The following EPN1 variants were observed in gnomAD, a reference collection of about 807,000 sequenced individuals.
EPN1 encodes epsin-1.
Under a neutral mutation model 56.9 loss-of-function variants are expected in EPN1, and 25 were observed. The observed-to-expected ratio is 0.44, with a 90% confidence interval of 0.32 to 0.61. The LOEUF (loss-of-function observed/expected upper bound fraction) is 0.61, where lower values mean the gene tolerates loss of function less well. Among genes scored for constraint, EPN1 ranks in the 20% least tolerant of loss-of-function variants. The pLI is 0.05. For synonymous variants in EPN1, 411 were observed against 361.8 expected (o/e 1.14, Z -1.54); for missense variants, 785 against 823.7 (o/e 0.95, Z 0.58).
At chr19:55,684,711 C>T (rs931239985) in intron 2 of EPN1, among the ~76,000 whole-genome samples, 1 of 152,204 alleles carries the variant, frequency 6.6e-6, no homozygotes, top group Non-Finnish European at 1.5e-5. Context: ...TGAGGTTTTA[C>T]AGTCAGAAAT....
chr19:55,682,485 C>T (rs994145291), intron 2 of EPN1, among the ~76,000 whole-genome samples: 3 of 152,180 alleles, frequency 2.0e-5, no homozygotes, highest in African/African-American at 7.2e-5. Flanking sequence ...TTGACATGTT[C>T]TCGGCTCACT....
rs754267277 is a variant in EPN1, at chr19:55,694,857, C to T, written c.1396C>T (p.Pro466Ser). The T allele has an allele frequency of 1.2e-6, 2 of 1,608,346 alleles. No individual in the cohort carries two copies. The highest frequency in any genetic ancestry group is 1.7e-5 in the Admixed American group (1 of 59,372). ...PPAATPTPTP[P>S]TRKTPESFLG... ...TGCAGCCACACCAACTCCCACGCCC[C>T]CCACCCGGAAGACGCCGGAGTCATT... The change falls in exon 10 of 11, where the codon CCC (proline) becomes TCC (serine). Residue 466 changes from proline to serine, a missense_variant. Physicochemically the swap from Pro to Ser is moderately conservative, Grantham distance 74 (BLOSUM62 -1). Transcript: ENST00000270460. This position sits in a 1 kb window ranked among gnomAD's most constrained non-coding sequence, Gnocchi z 4.2.
chr19:55,693,786 C>T lies in EPN1; in HGVS notation c.1264+749C>T, dbSNP rs539469159. ...GCTTGCAGGGAGTGAGCTGCACCCA[C>T]GCTTCCCTCCTCTCATTATCTAGGT... is the stretch of plus-strand genomic sequence containing the variant. On this transcript the variant is annotated intron_variant, in intron 9 of 10. Transcript: ENST00000270460. 2.6e-5 allele frequency among the ~76,000 whole-genome samples: 4 copies of T among 152,314 alleles called. No homozygotes were observed. In the South Asian group the frequency reaches 6.2e-4, roughly 24 times the overall value.
chr19:55,676,933 T>C, intron 1 of EPN1: 1 of 494,168 alleles, frequency 2.0e-6, no homozygotes, highest in East Asian at 3.4e-5. Flanking sequence ...TTCTATTTCT[T>C]CTCAGTCCCC....
At chr19:55,685,262 T>A (rs1255328383) in intron 2 of EPN1, 134 bp from the exon 3 acceptor site, 1 of 1,090,642 alleles carries the variant, frequency 9.2e-7, no homozygotes, top group African/African-American at 1.6e-5. Flanking sequence ...GGGACAGATG[T>A]GTGTCCACCC....
intron 3 of EPN1, 139 bp downstream of exon 3, chr19:55,685,784 C>A: frequency 8.7e-7 from 1 of 1,150,700 alleles, no homozygotes; most frequent in Non-Finnish European, 1.2e-6. Context: ...TCACCTGGGC[C>A]CCTTGCTCTG....
chr19:55,682,398 A>C (rs1188904856), intron 2 of EPN1, among the ~76,000 whole-genome samples: 2 of 152,052 alleles, frequency 1.3e-5, no homozygotes, highest in Non-Finnish European at 2.9e-5. Context: ...CAGGTCAGCA[A>C]GGTTGACCGT....
chr19:55,681,152 G>GCACA (rs1249953509), intron 2 of EPN1, among the ~76,000 whole-genome samples: 1 of 152,224 alleles, frequency 6.6e-6, no homozygotes, highest in African/African-American at 2.4e-5. Flanking sequence ...GGTGAGCTGT[G>GCACA]GGGGCCTTGC....
In EPN1 at chr19:55,695,256, C is replaced by T. The variant is rs759106894; in HGVS notation, c.1631C>T (p.Ala544Val). Residue 544 changes from alanine to valine, a missense_variant, in exon 11 of 11, where the codon GCG (alanine) becomes GTG (valine). Transcript: ENST00000270460. The surrounding 1 kb of genome is among the most constrained non-coding windows in gnomAD (Gnocchi z 4.4). ...RLSPVPPVPGAPPTYISPLGG... is the reference protein window; with the variant it reads ...RLSPVPPVPGVPPTYISPLGG... ...AGTCCTGTGCCTCCCGTCCCTGGAG[C>T]GCCACCCACGTACATCTCTCCCCTT... 13 of 1,610,252 alleles carry T rather than the reference C, an allele frequency of 8.1e-6. No homozygotes were observed. In the Admixed American group the frequency reaches 1.0e-4, roughly 12 times the overall value.
rs6509955 is a variant in EPN1, at chr19:55,703,818, G to A, written c.*8462G>A. The A allele has an allele frequency of 0.4, 61,007 of 152,146 alleles. 13,834 individuals carry two copies. The highest frequency in any genetic ancestry group is 0.62 in the African/African-American group (25,649 of 41,484). The allele number at this position is 152,146 out of a possible 1,614,324, so 9.4% of individuals were successfully genotyped here. A position where few individuals can be genotyped will look rare whatever the true frequency, so the allele number is the denominator to read the frequency against. On this transcript the variant is annotated 3_prime_UTR_variant, in exon 11 of 11. Coordinates refer to ENST00000270460, the MANE Select transcript of EPN1 (RefSeq NM_001130072.2). Reference sequence around the variant, plus strand: ...GATGGATTTAAGTTTAAGCACCTGCGTGTGAGCGGCTACCGCGTGGGCTGG... The same window carrying A: ...GATGGATTTAAGTTTAAGCACCTGCATGTGAGCGGCTACCGCGTGGGCTGG...
rs2077815664 is a variant in EPN1, at chr19:55,703,082, C to G, written c.*7726C>G. 2 of 151,348 alleles carry G rather than the reference C, an allele frequency of 1.3e-5. No homozygotes were observed. Among genetic ancestry groups the G allele is most frequent in the South Asian group, 4.2e-4 (2 of 4,716 alleles). The allele number at this position is 151,348 out of a possible 1,614,324, so 9.4% of individuals were successfully genotyped here. ...AAAGTGCTGGGATTACAGCCGTGAG[C>G]CACCGCACCTGGCCTCTTTCAGTTT... On this transcript the variant is annotated 3_prime_UTR_variant, in exon 11 of 11. Transcript: ENST00000270460.
At chr19:55,678,080 G>A (rs1249454877) in intron 1 of EPN1, among the ~76,000 whole-genome samples, 3 of 151,114 alleles carry the variant, frequency 2.0e-5, no homozygotes, top group African/African-American at 7.3e-5. Context: ...CACCTGGGAA[G>A]TGTAAGCAGA....
chr19:55,691,404 T>C lies in EPN1; in HGVS notation c.763-350T>C, dbSNP rs1986537063. ...GCTTCGGGTCGAGCGAGGGGAGGGC[T>C]TGGCCTCCATCCTCAGTCAGGGCCG... On this transcript the variant is annotated intron_variant, in intron 6 of 10. Coordinates refer to ENST00000270460, the MANE Select transcript of EPN1 (RefSeq NM_001130072.2). This position sits in a 1 kb window ranked among gnomAD's most constrained non-coding sequence, Gnocchi z 5.6. 6.6e-6 allele frequency among the ~76,000 whole-genome samples: 1 copy of C among 151,844 alleles called. No homozygotes were observed. Among genetic ancestry groups the C allele is most frequent in the Non-Finnish European group, 1.5e-5 (1 of 67,930 alleles).
rs540325905 is a variant in EPN1, at chr19:55,697,834, C to G, written c.*2478C>G. 2 of 152,140 alleles carry G rather than the reference C, an allele frequency of 1.3e-5. No individual in the cohort carries two copies. The highest frequency in any genetic ancestry group is 4.2e-4 in the South Asian group (2 of 4,812). 9.4% of individuals were successfully genotyped at this position (152,140 alleles called of 1,614,324 possible). On this transcript the variant is annotated 3_prime_UTR_variant, in exon 11 of 11. Transcript: ENST00000270460. ...AGAATGCTGGGAGCCTGCTGTTGTC[C>G]CCGATTGAGGGCTCCCCCCACTGTG...
chr19:55,679,807 T>C lies in EPN1; in HGVS notation c.228+952T>C, dbSNP rs115189778. Among the ~76,000 whole-genome samples, 864 of 152,296 alleles carry C rather than the reference T, an allele frequency of 5.7e-3. 8 individuals are homozygous for C. The highest frequency in any genetic ancestry group is 0.02 in the African/African-American group (837 of 41,542). Reference sequence around the variant, plus strand: ...GACACACCAGGATTGGGTTGAGTCATAGATTGAATCAGTTATTGGTCATTT... The same window carrying C: ...GACACACCAGGATTGGGTTGAGTCACAGATTGAATCAGTTATTGGTCATTT... On this transcript the variant is annotated intron_variant, in intron 2 of 10. Transcript: ENST00000270460.
intron 3 of EPN1, among the ~76,000 whole-genome samples, chr19:55,686,082 C>T (rs1986150937): frequency 6.6e-6 from 1 of 152,240 alleles, no homozygotes; most frequent in African/African-American, 2.4e-5. Flanking sequence ...GAGCCAGGGC[C>T]TGCAGGTTGC....
At chr19:55,679,279 G>T (rs34834404) in intron 2 of EPN1, among the ~76,000 whole-genome samples, 1 of 152,224 alleles carries the variant, frequency 6.6e-6, no homozygotes, top group African/African-American at 2.4e-5. Context: ...AGGACTCAGC[G>T]ACTGGGTTTT....
At chr19:55,692,088 C>CA in intron 7 of EPN1, 31 bp downstream of exon 7, 1 of 1,406,324 alleles carries the variant, frequency 7.1e-7, no homozygotes, top group Non-Finnish European at 9.2e-7. Flanking sequence ...CATGCAGCCC[C>CA]TACGCCTGTG....
Position 55,703,669 on chromosome 19 carries a change from A to T in EPN1, c.*8313A>T, listed in dbSNP as rs1258808662. 1 of 152,250 alleles carries T rather than the reference A, an allele frequency of 6.6e-6. No individual in the cohort carries two copies. Among genetic ancestry groups the T allele is most frequent in the African/African-American group, 2.4e-5 (1 of 41,450 alleles). The allele number at this position is 152,250 out of a possible 1,614,324, so 9.4% of individuals were successfully genotyped here. ...AGATTGGTCACTAGCAGGGCGTCTG[A>T]TGGAACTTTCTGAGATGCCGGAAAT... On this transcript the variant is annotated 3_prime_UTR_variant, in exon 11 of 11. Coordinates refer to ENST00000270460, the MANE Select transcript of EPN1 (RefSeq NM_001130072.2).
Sources: allele counts gnomAD v4.1 joint callset (sites outside exome capture counted in the v4.1 genomes callset), GRCh38; gene constraint gnomAD v4.1.1; non-coding constraint Gnocchi (gnomAD v3.1); transcripts MANE v1.5; gene names NCBI Gene and HGNC (gene_info 2026-07-23, HGNC 2026-07-21).